CNTNAP5: variants seen among roughly 807,000 people sequenced by gnomAD.
CNTNAP5 encodes contactin associated protein family member 5.
A neutral mutation model predicts 150.2 loss-of-function variants in CNTNAP5; 72 were observed. That is an observed-to-expected ratio of 0.48 (90% CI 0.40 to 0.58). The LOEUF is 0.58. CNTNAP5 is among the 20% of genes least tolerant of loss of function. CNTNAP5 has a pLI of 0.00. For synonymous variants in CNTNAP5, 672 were observed against 619.8 expected (o/e 1.08, Z -1.25); for missense variants, 1,636 against 1,626.2 (o/e 1.01, Z -0.10).
chr2:124,087,786 C>T (rs1316211716), intron 1 of CNTNAP5, among the ~76,000 whole-genome samples: 1 of 149,700 alleles, frequency 6.7e-6, no homozygotes, highest in Admixed American at 6.6e-5. Context: ...TTCTGAACTC[C>T]ATGGTTTCTG....
At chr2:124,387,620 A>G (rs1159238562) in intron 3 of CNTNAP5, among the ~76,000 whole-genome samples, 1 of 152,188 alleles carries the variant, frequency 6.6e-6, no homozygotes, top group Non-Finnish European at 1.5e-5. Flanking sequence ...GGAGATTACA[A>G]AGTACCTTCT....
intron 3 of CNTNAP5, among the ~76,000 whole-genome samples, chr2:124,361,736 T>G (rs1156900255): frequency 6.6e-6 from 1 of 151,684 alleles, no homozygotes; most frequent in Non-Finnish European, 1.5e-5. Flanking sequence ...GACATTTAAG[T>G]CTGCAGAGGT....
Position 124,563,243 on chromosome 2 carries a change from G to T in CNTNAP5, c.1676G>T (p.Gly559Val). ...DRCLPNYCEHGGSCSQSWTTF... is the reference protein window; with the variant it reads ...DRCLPNYCEHVGSCSQSWTTF... The stretch of plus-strand genomic sequence containing the variant: ...TGTTTGCCAAACTACTGTGAACATG[G>T]AGGAAGCTGCTCCCAGTCCTGGACT... The change falls in exon 11 of 24, where the codon GGA (glycine) becomes GTA (valine). Residue 559 changes from glycine (G) to valine (V), a missense_variant. Physicochemically the swap from Gly to Val is moderately radical, Grantham distance 109. Transcript: ENST00000682447. The T allele has an allele frequency of 6.3e-7, 1 of 1,594,254 alleles. No individual in the cohort carries two copies. The highest frequency in any genetic ancestry group is 8.6e-7 in the Non-Finnish European group (1 of 1,169,430).
At position 124,625,158 on chromosome 2, in the gene CNTNAP5, A is replaced by C. The variant is rs141993728; in HGVS notation, c.1876+15238A>C. Among the ~76,000 whole-genome samples, 60 of 152,172 alleles carry C rather than the reference A, an allele frequency of 3.9e-4. No homozygotes were observed. The East Asian group carries it at 0.011, about 29-fold the overall frequency. ...CCTGTCTCTTGTTCACAGTCCCTTA[A>C]CTCAATGCCATGGTGGAAAACTCCT... is the stretch of plus-strand genomic sequence containing the variant. On this transcript the variant is annotated intron_variant, in intron 12 of 23. Transcript: ENST00000682447.
intron 2 of CNTNAP5, among the ~76,000 whole-genome samples, chr2:124,233,951 G>A (rs1046312563): frequency 6.6e-6 from 1 of 151,882 alleles, no homozygotes; most frequent in Non-Finnish European, 1.5e-5. Flanking sequence ...AAAGAAAATT[G>A]CTCCAAGAAT....
chr2:124,809,757 G>A (rs1682164793), intron 19 of CNTNAP5, among the ~76,000 whole-genome samples: 1 of 152,158 alleles, frequency 6.6e-6, no homozygotes, highest in Non-Finnish European at 1.5e-5. Flanking sequence ...GGGTCAAAAT[G>A]TAATGTCCAA....
chr2:124,859,000 A>G (rs1358833111), intron 19 of CNTNAP5, among the ~76,000 whole-genome samples: 1 of 152,178 alleles, frequency 6.6e-6, no homozygotes, highest in Non-Finnish European at 1.5e-5. Context: ...AGGCATGGGC[A>G]AGGGCTTCAT....
intron 3 of CNTNAP5, among the ~76,000 whole-genome samples, chr2:124,290,339 C>T (rs1688254007): frequency 6.6e-6 from 1 of 152,142 alleles, no homozygotes; most frequent in Admixed American, 6.5e-5. Flanking sequence ...TATTTTCCAC[C>T]TTCATCTGCC....
chr2:124,276,974 G>A (rs1036613664), intron 3 of CNTNAP5, among the ~76,000 whole-genome samples: 1 of 152,088 alleles, frequency 6.6e-6, no homozygotes, highest in African/African-American at 2.4e-5. Flanking sequence ...CAGTGGGTGG[G>A]ACCACCTCCT....
intron 13 of CNTNAP5, among the ~76,000 whole-genome samples, chr2:124,674,356 C>T (rs1467052357): frequency 1.9e-5 from 2 of 104,364 alleles, no homozygotes; most frequent in African/African-American, 7.3e-5. Flanking sequence ...TCCCTCCCTT[C>T]TTCCCTCCCT....
chr2:124,481,104 C>T (rs937088323), intron 7 of CNTNAP5, among the ~76,000 whole-genome samples: 6 of 152,170 alleles, frequency 3.9e-5, no homozygotes, highest in African/African-American at 1.2e-4. Flanking sequence ...AGTGCCAGGA[C>T]GATCGGGTTC....
At chr2:124,580,969 G>A (rs1696397815) in intron 11 of CNTNAP5, among the ~76,000 whole-genome samples, 1 of 152,160 alleles carries the variant, frequency 6.6e-6, no homozygotes, top group Admixed American at 6.5e-5. Flanking sequence ...GGAGCACAGG[G>A]GGAACGGGAG....
At position 124,914,110 on chromosome 2, in the gene CNTNAP5, T is replaced by C. The variant is rs370489600; in HGVS notation, c.3746T>C (p.Ile1249Thr). The change falls in exon 24 of 24, where the codon ATA (isoleucine) becomes ACA (threonine). Residue 1249 changes from isoleucine (I) to threonine (T), a missense_variant. By Grantham distance (89) the Ile-to-Thr change is moderately conservative. Coordinates refer to ENST00000682447, the MANE Select transcript of CNTNAP5 (RefSeq NM_001367498.1). ...AVIGGVIAVV[I>T]FIIFCIIGIM... The stretch of plus-strand genomic sequence containing the variant: ...TCTCCAGGGGTGATAGCAGTGGTGA[T>C]ATTCATCATCTTCTGTATCATCGGC... 7.4e-6 allele frequency: 12 copies of C among 1,611,834 alleles called. No homozygotes were observed. The African/African-American group carries it at 1.3e-4, about 18-fold the overall frequency.
chr2:124,445,981 G>A (rs1263056249), intron 5 of CNTNAP5, among the ~76,000 whole-genome samples: 1 of 152,076 alleles, frequency 6.6e-6, no homozygotes. Context: ...AGGCAGGTTG[G>A]ATTGCAAAGC....
chr2:124,087,596 C>T (rs1573744581), intron 1 of CNTNAP5, among the ~76,000 whole-genome samples: 2 of 151,882 alleles, frequency 1.3e-5, no homozygotes, highest in Admixed American at 1.3e-4. Context: ...GTGGCGTGGG[C>T]CTGTAGTCCT....
At chr2:124,250,219 C>G (rs1055643992) in intron 3 of CNTNAP5, among the ~76,000 whole-genome samples, 1 of 152,126 alleles carries the variant, frequency 6.6e-6, no homozygotes, top group Admixed American at 6.5e-5. Context: ...GCCTACTGGG[C>G]TCCGCCTGCA....
intron 1 of CNTNAP5, among the ~76,000 whole-genome samples, chr2:124,121,170 AC>A (rs1683552175): frequency 6.6e-6 from 1 of 152,136 alleles, no homozygotes; most frequent in Non-Finnish European, 1.5e-5. Context: ...ACACAAACAC[AC>A]ATGCACACAC....
intron 1 of CNTNAP5, among the ~76,000 whole-genome samples, chr2:124,051,723 G>A (rs2104643297): frequency 6.6e-6 from 1 of 152,298 alleles, no homozygotes; most frequent in East Asian, 1.9e-4. Flanking sequence ...CTTGCAAAAT[G>A]GCTATAGTGG....
At chr2:124,712,172 TA>T in intron 13 of CNTNAP5, among the ~76,000 whole-genome samples, 1 of 152,190 alleles carries the variant, frequency 6.6e-6, no homozygotes, top group Admixed American at 6.6e-5. Context: ...TTCTGGGACT[TA>T]CCTCCCTTCA....
Sources: allele counts gnomAD v4.1 joint callset (sites outside exome capture counted in the v4.1 genomes callset), GRCh38; gene constraint gnomAD v4.1.1; transcripts MANE v1.5; gene names NCBI Gene and HGNC (gene_info 2026-07-23, HGNC 2026-07-21).